WNK1: variants seen among roughly 807,000 people sequenced by gnomAD.
The protein encoded by WNK1 is WNK lysine deficient protein kinase 1.
WNK1 carries 38 observed loss-of-function variants against 222.8 expected under a neutral mutation model. The observed-to-expected ratio is 0.17, with a 90% CI of 0.13 to 0.22. The LOEUF is 0.22. WNK1 is among the 10% of genes least tolerant of loss of function. The pLI is 1.00. For missense variants in WNK1, 2,348 were observed against 2,918.4 expected (o/e 0.80, Z 4.50); for synonymous variants, 1,090 against 1,092.9 (o/e 1.00, Z 0.05).
chr12:789,452 TC>T (rs557864873), intron 1 of WNK1, among the ~76,000 whole-genome samples: 9 of 151,980 alleles, frequency 5.9e-5, no homozygotes, highest in Non-Finnish European at 1.0e-4. Context: ...TTAGATTTTG[TC>T]CCCAGTTCTA....
intron 1 of WNK1, among the ~76,000 whole-genome samples, chr12:772,461 A>T (rs1400297393): frequency 6.6e-6 from 1 of 151,338 alleles, no homozygotes; most frequent in East Asian, 1.9e-4. Flanking sequence ...GGGTGTGTGT[A>T]TGTGTATGTA....
At chr12:777,530 A>G (rs1943251861) in intron 1 of WNK1, among the ~76,000 whole-genome samples, 1 of 152,178 alleles carries the variant, frequency 6.6e-6, no homozygotes. Flanking sequence ...AGAGTTAGGC[A>G]CTTGTGTTAC....
intron 4 of WNK1, among the ~76,000 whole-genome samples, chr12:854,356 T>TTTTTC (rs1950619804): frequency 8.0e-5 from 1 of 12,490 alleles, no homozygotes; most frequent in South Asian, 2.5e-3. Flanking sequence ...TATCATTATC[T>TTTTTC]TTTTTTTTTT....
intron 4 of WNK1, among the ~76,000 whole-genome samples, chr12:846,869 A>G: frequency 6.6e-6 from 1 of 152,180 alleles, no homozygotes; most frequent in East Asian, 1.9e-4. Flanking sequence ...GTTGAAGGAA[A>G]CTTTGTATTT....
At chr12:788,496 T>C (rs1396890903) in intron 1 of WNK1, among the ~76,000 whole-genome samples, 1 of 152,228 alleles carries the variant, frequency 6.6e-6, no homozygotes, top group African/African-American at 2.4e-5. Context: ...AGGCCTGTAA[T>C]GCCAGTACCG....
At chr12:870,633 A>G (rs993334329) in intron 8 of WNK1, among the ~76,000 whole-genome samples, 3 of 152,082 alleles carry the variant, frequency 2.0e-5, no homozygotes, top group African/African-American at 7.2e-5. Flanking sequence ...TGTTCTATGT[A>G]TTGTAGGCTA....
At position 871,279 on chromosome 12, in the gene WNK1, C is replaced by T; in HGVS notation, c.2154C>T (p.Ser718=). Residue 718 remains serine (S), a synonymous_variant, in exon 9 of 28, where the codon AGC becomes AGT. Transcript: ENST00000315939. ...CTTTCCTTCAGGCACAGGGGCAGAG[C>T]CAGGGTCAGCCATCCTCAAGTAGCT... ...YPPSSVAQGQ[S]QGQPSSSSLT... 6.2e-7 allele frequency: 1 copy of T among 1,614,148 alleles called. No individual in the cohort carries two copies. Among genetic ancestry groups the T allele is most frequent in the East Asian group, 2.2e-5 (1 of 44,882 alleles).
chr12:879,513 CT>C (rs10717495), intron 10 of WNK1, 59 bp from the exon 11 acceptor site: 111,350 of 398,756 alleles, frequency 0.28, 1,819 homozygotes, highest in Non-Finnish European at 0.3. Flanking sequence ...GGCAGCCTTG[CT>C]TTTTTTTTTT....
chr12:783,167 A>C (rs1401253641), intron 1 of WNK1, among the ~76,000 whole-genome samples: 1 of 152,104 alleles, frequency 6.6e-6, no homozygotes, highest in African/African-American at 2.4e-5. Flanking sequence ...CTCCTGCCTC[A>C]GCCTCCCAAA....
At chr12:755,498 G>C (rs1389235159) in intron 1 of WNK1, among the ~76,000 whole-genome samples, 1 of 152,132 alleles carries the variant, frequency 6.6e-6, no homozygotes, top group South Asian at 2.1e-4. Flanking sequence ...TAAAAACTAA[G>C]AAGTTCTTTA....
At chr12:831,472 A>T (rs781384256) in intron 4 of WNK1, among the ~76,000 whole-genome samples, 29 of 151,790 alleles carry the variant, frequency 1.9e-4, no homozygotes, top group African/African-American at 6.5e-4. Flanking sequence ...CGGGAGATGG[A>T]GGTTGCAGTG....
chr12:792,357 G>T (rs181856889), intron 1 of WNK1, among the ~76,000 whole-genome samples: 10 of 141,542 alleles, frequency 7.1e-5, no homozygotes, highest in Non-Finnish European at 1.2e-4. Flanking sequence ...GTGTCACCCA[G>T]GCTGGAGCGC....
At chr12:759,967 T>G (rs1421843048) in intron 1 of WNK1, among the ~76,000 whole-genome samples, 1 of 148,306 alleles carries the variant, frequency 6.7e-6, no homozygotes. Context: ...TTTGAGGGAA[T>G]CTGTGAAGAT....
rs1432287076 is a variant in WNK1, at chr12:762,998, G to A, written c.759+8674G>A. On this transcript the variant is annotated intron_variant, in intron 1 of 27. Transcript: ENST00000315939. ...CGACCTCAGGCGATCCGCCAGCCTC[G>A]GCCTCCCAAAGTGCTGGAATTACAG... 2.7e-5 allele frequency among the ~76,000 whole-genome samples: 4 copies of A among 146,248 alleles called. 1 individual carries two copies. Among genetic ancestry groups the A allele is most frequent in the South Asian group, 4.6e-4 (2 of 4,376 alleles).
chr12:906,641 G>C, intron 26 of WNK1: 1 of 985,212 alleles, frequency 1.0e-6, no homozygotes. Flanking sequence ...AATTGGGAGA[G>C]GTTAACCCCT....
intron 1 of WNK1, among the ~76,000 whole-genome samples, chr12:760,299 ATCCATTAGTCTTTGGAAAGT>A (rs1399910322): frequency 6.8e-6 from 1 of 147,618 alleles, no homozygotes; most frequent in African/African-American, 2.4e-5. Context: ...ATTTTGTCTA[ATCCATTAGTCTTTGGAAAGT>A]TCACTATGGT....
chr12:882,890 A>G (rs1565576794), intron 14 of WNK1, 53 bp from the exon 15 acceptor site: 1 of 1,149,598 alleles, frequency 8.7e-7, no homozygotes, highest in African/African-American at 1.5e-5. Context: ...TCTGAAATTC[A>G]GTAATAAAGC....
intron 12 of WNK1, chr12:881,395 G>A (rs1472208357): frequency 6.3e-6 from 3 of 476,342 alleles, no homozygotes; most frequent in Admixed American, 6.6e-5. Flanking sequence ...CTCTGTCTGC[G>A]CTATTGCACA....
At chr12:755,389 C>T (rs528153108) in intron 1 of WNK1, among the ~76,000 whole-genome samples, 1 of 152,264 alleles carries the variant, frequency 6.6e-6, no homozygotes, top group South Asian at 2.1e-4. Flanking sequence ...TTATTTTATC[C>T]ATGAACTAAT....
Sources: gnomAD v4.1 joint callset for allele counts (sites outside exome capture counted in the v4.1 genomes callset) on GRCh38, gnomAD v4.1.1 for gene constraint, MANE v1.5 for transcripts, NCBI Gene and HGNC (gene_info 2026-07-23, HGNC 2026-07-21) for gene names.